PTP4A3: variants seen among roughly 807,000 people sequenced by gnomAD.
PTP4A3 encodes protein tyrosine phosphatase 4A3, also known as protein tyrosine phosphatase type IVA 3.
PTP4A3 carries 9 observed loss-of-function variants against 15.2 expected under a neutral mutation model. The observed-to-expected ratio is 0.59, with a 90% confidence interval of 0.36 to 1.03. PTP4A3 has a LOEUF of 1.03. Among genes scored for constraint, PTP4A3 ranks in the 50% least tolerant of loss-of-function variants. The pLI, the probability that PTP4A3 is intolerant of heterozygous loss-of-function variation, is 0.02. For synonymous variants in PTP4A3, 95 were observed against 102.0 expected (o/e 0.93, Z 0.41); for missense variants, 234 against 252.1 (o/e 0.93, Z 0.49).
In PTP4A3 at chr8:141,425,063, G is replaced by T; in HGVS notation, c.121G>T (p.Gly41Trp). 1 of 1,613,138 alleles carries T rather than the reference G, an allele frequency of 6.2e-7. No homozygotes were observed. The change falls in exon 3 of 6, where the codon GGG becomes TGG. Residue 41 changes from glycine (G) to tryptophan (W), a missense_variant. Transcript: ENST00000521578. This position sits in a 1 kb window ranked among gnomAD's most constrained non-coding sequence, Gnocchi z 4.2. ...STFIEDLKKY[G>W]ATTVVRVCEV... The stretch of plus-strand genomic sequence containing the variant: ...CCACCCCCAGGACCTGAAGAAGTAC[G>T]GGGCTACCACTGTGGTGCGTGTGTG...
rs931189241 is a variant in PTP4A3 at position 141,425,671 on chromosome 8, G to C, written c.198+531G>C. Reference sequence around the variant, plus strand: ...GCAGGCCCAGAGCCAGCCCCAGGGGGGTCCACCCCCGGCCCGGTGGACGAC... The same window carrying C: ...GCAGGCCCAGAGCCAGCCCCAGGGGCGTCCACCCCCGGCCCGGTGGACGAC... On this transcript the variant is annotated intron_variant, in intron 3 of 5. Transcript: ENST00000521578. This position sits in a 1 kb window ranked among gnomAD's most constrained non-coding sequence, Gnocchi z 4.2. Among the ~76,000 whole-genome samples the C allele has an allele frequency of 6.6e-6, 1 of 152,082 alleles. No individual in the cohort carries two copies. The highest frequency in any genetic ancestry group is 1.5e-5 in the Non-Finnish European group (1 of 67,964).
Position 141,396,776 on chromosome 8 carries a change from C to T in PTP4A3, c.-854+4692C>T, listed in dbSNP as rs527450216. On this transcript the variant is annotated intron_variant, in intron 1 of 5. Coordinates refer to ENST00000521578, the MANE Select transcript of PTP4A3 (RefSeq NM_032611.3). ...TGTCACCTTCTGAGTCTCAGTGTTC[C>T]CTTCTCACGTGGGACAAGACCACGC... 3.9e-5 allele frequency among the ~76,000 whole-genome samples: 6 copies of T among 152,324 alleles called. No individual in the cohort carries two copies. In the East Asian group the frequency reaches 7.7e-4, roughly 20 times the overall value.
chr8:141,408,322 T>A (rs917848835), intron 1 of PTP4A3, among the ~76,000 whole-genome samples: 4 of 152,184 alleles, frequency 2.6e-5, no homozygotes, highest in Admixed American at 2.0e-4. Context: ...GGTTACACTT[T>A]AAGATGGCTA....
At chr8:141,427,922 C>A in intron 5 of PTP4A3, 98 bp downstream of exon 5, 2 of 1,187,360 alleles carry the variant, frequency 1.7e-6, no homozygotes, top group Non-Finnish European at 1.2e-6. Context: ...GGTTCCGTCG[C>A]TCTGAGGCTG....
chr8:141,428,615 T>C (rs1039074418), intron 5 of PTP4A3, among the ~76,000 whole-genome samples: 3 of 151,770 alleles, frequency 2.0e-5, no homozygotes, highest in Non-Finnish European at 4.4e-5. Context: ...TGTGAGAGTG[T>C]GGCCCGCCCT....
intron 1 of PTP4A3, among the ~76,000 whole-genome samples, chr8:141,408,063 G>A (rs1676686042): frequency 6.6e-6 from 1 of 152,204 alleles, no homozygotes. Context: ...CTCAGGCTGC[G>A]CCGTGGCTGA....
At chr8:141,393,670 C>T (rs958020058) in intron 1 of PTP4A3, among the ~76,000 whole-genome samples, 16 of 152,248 alleles carry the variant, frequency 1.1e-4, no homozygotes, top group Admixed American at 9.2e-4. Context: ...CTTTGCCCTC[C>T]TCCCGGAAGC....
At chr8:141,422,383 G>T (rs1833375887) in intron 2 of PTP4A3, 38 bp downstream of exon 2, 1 of 1,610,932 alleles carries the variant, frequency 6.2e-7, no homozygotes, top group African/African-American at 1.3e-5. Context: ...AGGTGGCCCA[G>T]GTGTCTGGGA....
At chr8:141,411,365 C>A (rs1370133404) in intron 1 of PTP4A3, among the ~76,000 whole-genome samples, 1 of 152,190 alleles carries the variant, frequency 6.6e-6, no homozygotes, top group Non-Finnish European at 1.5e-5. Context: ...CAGCACTGGT[C>A]CCCCCAGTAG....
At chr8:141,409,203 C>T (rs938143298) in intron 1 of PTP4A3, among the ~76,000 whole-genome samples, 7 of 152,210 alleles carry the variant, frequency 4.6e-5, no homozygotes, top group Non-Finnish European at 8.8e-5. Flanking sequence ...GGCCTGGGAG[C>T]TGCAGCATCC....
At chr8:141,401,687 C>T (rs996260404) in intron 1 of PTP4A3, among the ~76,000 whole-genome samples, 2 of 152,188 alleles carry the variant, frequency 1.3e-5, no homozygotes, top group African/African-American at 2.4e-5. Flanking sequence ...CGAGGGGCCC[C>T]GGGCCTGTGA....
chr8:141,411,360 C>T (rs1832863701), intron 1 of PTP4A3, among the ~76,000 whole-genome samples: 1 of 152,246 alleles, frequency 6.6e-6, no homozygotes, highest in Non-Finnish European at 1.5e-5. Flanking sequence ...GCCATCAGCA[C>T]TGGTCCCCCC....
At chr8:141,410,754 A>C (rs1472879690) in intron 1 of PTP4A3, among the ~76,000 whole-genome samples, 1 of 152,140 alleles carries the variant, frequency 6.6e-6, no homozygotes, top group Non-Finnish European at 1.5e-5. Flanking sequence ...TACCCATCAC[A>C]CAGCTCACAA....
chr8:141,416,601 C>A (rs1436746952), intron 1 of PTP4A3, among the ~76,000 whole-genome samples: 2 of 152,056 alleles, frequency 1.3e-5, no homozygotes, highest in Non-Finnish European at 2.9e-5. Flanking sequence ...CTGGGTGCAC[C>A]CACGTGGGTG....
rs1833526465 is a variant in PTP4A3, at chr8:141,425,490, C to T, written c.198+350C>T. On this transcript the variant is annotated intron_variant, in intron 3 of 5. Coordinates refer to ENST00000521578, the MANE Select transcript of PTP4A3 (RefSeq NM_032611.3). This position sits in a 1 kb window ranked among gnomAD's most constrained non-coding sequence, Gnocchi z 4.2. ...CTGTCTTGGGTGCATCTCAGTCTTG[C>T]TGCCTGGGCGGCTGGGGCCCTGTTG... Among the ~76,000 whole-genome samples the T allele has an allele frequency of 6.6e-6, 1 of 151,730 alleles. No individual in the cohort carries two copies. The highest frequency in any genetic ancestry group is 2.1e-4 in the South Asian group (1 of 4,822).
rs935038951 is a variant in PTP4A3, at chr8:141,425,414, G to A, written c.198+274G>A. Among the ~76,000 whole-genome samples the A allele has an allele frequency of 1.8e-4, 28 of 152,248 alleles. No homozygotes were observed. Among genetic ancestry groups the A allele is most frequent in the South Asian group, 8.3e-4 (4 of 4,830 alleles). ...AGGGGTGGCACATGCTTGGTGCATC[G>A]GCCAAGGTGGCGGGTGGGCTCCTCT... On this transcript the variant is annotated intron_variant, in intron 3 of 5. Transcript: ENST00000521578. The surrounding 1 kb of genome is among the most constrained non-coding windows in gnomAD (Gnocchi z 4.2).
At chr8:141,411,054 GGGGCACCTCTGTGT>G (rs1336131454) in intron 1 of PTP4A3, among the ~76,000 whole-genome samples, 2 of 152,284 alleles carry the variant, frequency 1.3e-5, no homozygotes, top group Non-Finnish European at 2.9e-5. Flanking sequence ...GGCAAGGCGT[GGGGCACCTCTGTGT>G]GCATGGGGTG....
intron 2 of PTP4A3, among the ~76,000 whole-genome samples, chr8:141,422,786 C>G (rs1247512126): frequency 2.6e-5 from 4 of 152,156 alleles, no homozygotes; most frequent in Non-Finnish European, 4.4e-5. Flanking sequence ...GGGCCCAGAT[C>G]TCTGTGTGAG....
chr8:141,424,531 C>T (rs554682432), intron 2 of PTP4A3, among the ~76,000 whole-genome samples: 2 of 152,288 alleles, frequency 1.3e-5, no homozygotes, highest in African/African-American at 4.8e-5. Flanking sequence ...GATGCAGGGG[C>T]TCACACGTGG....
Sources: gnomAD v4.1 joint callset for allele counts (sites outside exome capture counted in the v4.1 genomes callset) on GRCh38, gnomAD v4.1.1 for gene constraint, Gnocchi (gnomAD v3.1) non-coding constraint, MANE v1.5 for transcripts, NCBI Gene and HGNC (gene_info 2026-07-23, HGNC 2026-07-21) for gene names.